Variants in EYA4 observed in about 807,000 individuals in gnomAD.
EYA4 encodes EYA transcriptional coactivator and phosphatase 4.
Under a neutral mutation model 87.9 loss-of-function variants are expected in EYA4, and 31 were observed. The observed-to-expected ratio is 0.35, with a 90% CI of 0.27 to 0.48. The LOEUF (loss-of-function observed/expected upper bound fraction) is 0.48, where lower values mean the gene tolerates loss of function less well. Ranked by LOEUF, EYA4 falls within the 20% of genes least tolerant of loss-of-function variation. The probability of loss-of-function intolerance (pLI) is 0.99; values close to 1 mark genes in which losing one functional copy is unlikely to be tolerated. For missense variants in EYA4, 678 were observed against 761.4 expected (o/e 0.89, Z 1.29); for synonymous variants, 263 against 270.6 (o/e 0.97, Z 0.28).
At chr6:133,439,906 A>C (rs1792099263) in intron 3 of EYA4, among the ~76,000 whole-genome samples, 1 of 152,204 alleles carries the variant, frequency 6.6e-6, no homozygotes, top group Non-Finnish European at 1.5e-5. Flanking sequence ...CCAAGGGCTT[A>C]AAGGTTATCT....
intron 1 of EYA4, among the ~76,000 whole-genome samples, chr6:133,243,393 C>T (rs1386229218): frequency 3.3e-5 from 5 of 152,136 alleles, no homozygotes; most frequent in Admixed American, 1.3e-4. Flanking sequence ...CATCTGTGGC[C>T]ACTTTGTGAA....
Position 133,530,438 on chromosome 6 carries a change from C to A in EYA4, c.*1633C>A. ...TTGTGGAAATTTAAGACTTTAAGAACTAGAGTATTTTTATGGTGTCTGCAC... is the reference window on the plus strand; with the variant it reads ...TTGTGGAAATTTAAGACTTTAAGAAATAGAGTATTTTTATGGTGTCTGCAC... On this transcript the variant is annotated 3_prime_UTR_variant, in exon 20 of 20. Transcript: ENST00000355286. 1 of 985,578 alleles carries A rather than the reference C, an allele frequency of 1.0e-6. No homozygotes were observed. The allele number at this position is 985,578 out of a possible 1,614,324, so 61.1% of individuals were successfully genotyped here.
At chr6:133,481,987 T>G (rs1360368506) in intron 12 of EYA4, among the ~76,000 whole-genome samples, 1 of 152,208 alleles carries the variant, frequency 6.6e-6, no homozygotes. Context: ...TTTAAAAAGA[T>G]GAAAGTAATT....
intron 3 of EYA4, among the ~76,000 whole-genome samples, chr6:133,386,833 A>G (rs138105120): frequency 2.0e-5 from 3 of 152,302 alleles, no homozygotes; most frequent in Admixed American, 6.5e-5. Context: ...TGTGGTATGT[A>G]TGAGCTAAGA....
At position 133,332,352 on chromosome 6, in the gene EYA4, A is replaced by G. The variant is rs1360233649; in HGVS notation, c.34-50040A>G. Among the ~76,000 whole-genome samples, 11 of 152,354 alleles carry G rather than the reference A, an allele frequency of 7.2e-5. No homozygotes were observed. In the East Asian group the frequency reaches 2.1e-3, roughly 29 times the overall value. ...TTGGATTTCTAATTTTATCTGAACTAAACTCTGAAATCTTTAACAAGGCTT... is the reference window on the plus strand; with the variant it reads ...TTGGATTTCTAATTTTATCTGAACTGAACTCTGAAATCTTTAACAAGGCTT... On this transcript the variant is annotated intron_variant, in intron 2 of 19. Transcript: ENST00000355286.
intron 1 of EYA4, among the ~76,000 whole-genome samples, chr6:133,245,962 T>C (rs1774372950): frequency 6.6e-6 from 1 of 152,218 alleles, no homozygotes; most frequent in Admixed American, 6.5e-5. Flanking sequence ...ATCTTTTTAT[T>C]AGTAAAGAGA....
At chr6:133,440,102 G>A (rs1390439101) in intron 3 of EYA4, among the ~76,000 whole-genome samples, 3 of 152,082 alleles carry the variant, frequency 2.0e-5, no homozygotes, top group Non-Finnish European at 4.4e-5. Context: ...GCAATATTAG[G>A]TCCCAGTTAC....
At chr6:133,268,430 A>G (rs1044674362) in intron 1 of EYA4, among the ~76,000 whole-genome samples, 1 of 152,194 alleles carries the variant, frequency 6.6e-6, no homozygotes, top group African/African-American at 2.4e-5. Flanking sequence ...GTAAGAAGGA[A>G]CATCAGATTT....
At chr6:133,391,653 A>G (rs1245407435) in intron 3 of EYA4, among the ~76,000 whole-genome samples, 1 of 152,022 alleles carries the variant, frequency 6.6e-6, no homozygotes, top group Non-Finnish European at 1.5e-5. Context: ...TCATTATCTC[A>G]GTTCCAGATT....
intron 2 of EYA4, among the ~76,000 whole-genome samples, chr6:133,290,092 G>A (rs954831752): frequency 3.9e-5 from 6 of 152,054 alleles, no homozygotes; most frequent in Non-Finnish European, 7.4e-5. Context: ...GTGTGCCATG[G>A]GCTAAGTGCT....
At chr6:133,432,488 C>CTT (rs377728635) in intron 3 of EYA4, among the ~76,000 whole-genome samples, 27 of 141,728 alleles carry the variant, frequency 1.9e-4, no homozygotes, top group South Asian at 4.6e-4. Context: ...GGCTGGTTGA[C>CTT]TTTTTTTTTT....
At chr6:133,322,876 A>G (rs533995090) in intron 2 of EYA4, among the ~76,000 whole-genome samples, 24 of 152,320 alleles carry the variant, frequency 1.6e-4, no homozygotes, top group African/African-American at 5.3e-4. Context: ...CAGACTTTCT[A>G]TGAGTTGCAA....
At chr6:133,526,433 A>G (rs1310858028) in intron 19 of EYA4, among the ~76,000 whole-genome samples, 2 of 145,942 alleles carry the variant, frequency 1.4e-5, no homozygotes, top group Non-Finnish European at 3.1e-5. Context: ...GTTTATGGCT[A>G]TAAGAGAAAG....
At chr6:133,330,824 T>C (rs1781882266) in intron 2 of EYA4, among the ~76,000 whole-genome samples, 1 of 151,982 alleles carries the variant, frequency 6.6e-6, no homozygotes, top group Non-Finnish European at 1.5e-5. Flanking sequence ...TCAGGATATG[T>C]ATCTTGTGCA....
intron 11 of EYA4, among the ~76,000 whole-genome samples, chr6:133,478,501 A>C (rs904862032): frequency 6.6e-6 from 1 of 152,190 alleles, no homozygotes; most frequent in Non-Finnish European, 1.5e-5. Context: ...GACAACTGCT[A>C]TCCCAGGCTA....
intron 17 of EYA4, among the ~76,000 whole-genome samples, chr6:133,522,039 G>A (rs1204742347): frequency 5.8e-5 from 8 of 137,894 alleles, no homozygotes; most frequent in African/African-American, 7.9e-5. Flanking sequence ...TGGGTGCAGC[G>A]CACCAGCATG....
At chr6:133,463,737 G>T (rs1794615232) in intron 9 of EYA4, among the ~76,000 whole-genome samples, 2 of 152,136 alleles carry the variant, frequency 1.3e-5, no homozygotes, top group African/African-American at 2.4e-5. Context: ...GTTACTATCT[G>T]TCATTTTGTC....
chr6:133,310,654 T>C (rs1382361289), intron 2 of EYA4, among the ~76,000 whole-genome samples: 2 of 152,200 alleles, frequency 1.3e-5, no homozygotes, highest in Admixed American at 1.3e-4. Flanking sequence ...AAGACTTCAG[T>C]GACTAAAAGA....
At chr6:133,508,351 A>G (rs1245471756) in intron 14 of EYA4, among the ~76,000 whole-genome samples, 3 of 151,980 alleles carry the variant, frequency 2.0e-5, no homozygotes, top group Admixed American at 2.0e-4. Context: ...TTTTATATAT[A>G]TATATCTGGT....
Sources: allele counts gnomAD v4.1 joint callset (sites outside exome capture counted in the v4.1 genomes callset), GRCh38; gene constraint gnomAD v4.1.1; transcripts MANE v1.5; gene names NCBI Gene and HGNC (gene_info 2026-07-23, HGNC 2026-07-21).